NMRK2: variants seen among roughly 807,000 people sequenced by gnomAD.
NMRK2 encodes NRK 2.
Under a neutral mutation model 24.7 loss-of-function variants are expected in NMRK2, and 34 were observed. That is an observed-to-expected ratio of 1.37 (90% CI 1.05 to 1.83). NMRK2 has a LOEUF of 1.83. Ranked by LOEUF, NMRK2 falls within the 40% of genes most tolerant of loss-of-function variation. The pLI is 0.00. For synonymous variants in NMRK2, 145 were observed against 125.6 expected, an observed-to-expected ratio of 1.15 and a Z score of -1.03; for missense variants, 341 against 315.0, an observed-to-expected ratio of 1.08 and a Z score of -0.62.
chr19:3,933,589 G>A lies in NMRK2; in HGVS notation c.-83G>A, dbSNP rs1175767468. The A allele has an allele frequency of 1.3e-5, 19 of 1,467,680 alleles. No homozygotes were observed. In the East Asian group the frequency reaches 4.0e-4, roughly 31 times the overall value. The allele number at this position is 1,467,680 out of a possible 1,614,324, so 90.9% of individuals were successfully genotyped here. A position where few individuals can be genotyped will look rare whatever the true frequency, so the allele number is the denominator to read the frequency against. ...GGCGCCAGGTTTTCTCAATGAAGCC[G>A]GGACGCACTCCGGAGCGCACTGCGT... On this transcript the variant is annotated 5_prime_UTR_variant, in exon 2 of 8. Transcript: ENST00000168977.
At chr19:3,936,962 C>T (rs990982007) in intron 3 of NMRK2, among the ~76,000 whole-genome samples, 1 of 152,164 alleles carries the variant, frequency 6.6e-6, no homozygotes, top group Non-Finnish European at 1.5e-5. Context: ...CAGGGCCAGC[C>T]GGCTGTGGCT....
chr19:3,933,779 G>A (rs2039161154), intron 2 of NMRK2, 82 bp downstream of exon 2: 1 of 1,304,348 alleles, frequency 7.7e-7, no homozygotes, highest in Non-Finnish European at 9.9e-7. Context: ...GGAATGAATG[G>A]AGGGATGCCT....
chr19:3,937,805 A>G (rs368390083), intron 4 of NMRK2, among the ~76,000 whole-genome samples: 76 of 37,722 alleles, frequency 2.0e-3, no homozygotes, highest in Middle Eastern at 0.019. Context: ...CTCCTGCAAT[A>G]CCCGCTCCCC....
At chr19:3,938,806 G>C in intron 5 of NMRK2, 47 bp downstream of exon 5, 1 of 1,100,422 alleles carries the variant, frequency 9.1e-7, no homozygotes, top group Middle Eastern at 2.2e-4. Flanking sequence ...TCTCTGGGCG[G>C]GTATAGCCAT....
intron 4 of NMRK2, among the ~76,000 whole-genome samples, chr19:3,937,816 G>C (rs1354717633): frequency 1.4e-4 from 6 of 44,370 alleles, no homozygotes; most frequent in Admixed American, 2.6e-4. Context: ...CCCGCTCCCC[G>C]TCCACTGTCC....
intron 2 of NMRK2, among the ~76,000 whole-genome samples, chr19:3,934,664 C>T (rs886125291): frequency 6.6e-6 from 1 of 151,158 alleles, no homozygotes; most frequent in South Asian, 2.1e-4. Flanking sequence ...TCACTGCAAG[C>T]TCCGCCTCCC....
In NMRK2 at chr19:3,941,849, G is replaced by T. The variant is rs545154900; in HGVS notation, c.503-234G>T. 1.1e-4 allele frequency among the ~76,000 whole-genome samples: 16 copies of T among 152,116 alleles called. No individual in the cohort carries two copies. The South Asian group carries it at 3.3e-3, about 32-fold the overall frequency. On this transcript the variant is annotated intron_variant, in intron 7 of 7. Transcript: ENST00000168977. Reference sequence around the variant, plus strand: ...GTAGAGATGGGGTTTCACCCTGTTGGCCAGGCTGGTTTCGAACTCCTGACC... The same window carrying T: ...GTAGAGATGGGGTTTCACCCTGTTGTCCAGGCTGGTTTCGAACTCCTGACC...
chr19:3,941,223 G>A, intron 7 of NMRK2, 46 bp downstream of exon 7: 1 of 1,027,462 alleles, frequency 9.7e-7, no homozygotes, highest in Non-Finnish European at 1.5e-6. Flanking sequence ...CGGGCGGGGG[G>A]GACCCTGGGC....
chr19:3,938,677 C>A lies in NMRK2; in HGVS notation c.241C>A (p.Arg81Ser), dbSNP rs1005088739. The A allele has an allele frequency of 1.2e-6, 2 of 1,612,818 alleles. No individual in the cohort carries two copies. Among genetic ancestry groups the A allele is most frequent in the East Asian group, 4.5e-5 (2 of 44,820 alleles). ...AWLSSPQKFA[R>S]AHGVSVQPEA... is the part of the protein sequence containing the mutation. ...GCTGAGCAGCCCGCAGAAGTTTGCC[C>A]GTGCCCACGGGGTCAGCGTCCAGCC... is the stretch of plus-strand genomic sequence containing the variant. Residue 81 changes from arginine (R) to serine (S), a missense_variant, in exon 5 of 8, where the codon CGT (arginine) becomes AGT (serine). Arg to Ser is a moderately radical substitution (Grantham distance 110). Transcript: ENST00000168977.
chr19:3,941,431 T>C (rs2039331755), intron 7 of NMRK2, among the ~76,000 whole-genome samples: 1 of 151,148 alleles, frequency 6.6e-6, no homozygotes. Flanking sequence ...TTGTGTATTA[T>C]TAATAGAGAC....
At chr19:3,941,277 TCTCA>T in intron 7 of NMRK2, 100 bp downstream of exon 7, 1 of 626,132 alleles carries the variant, frequency 1.6e-6, no homozygotes, top group East Asian at 2.9e-5. Flanking sequence ...CAAGACAGAG[TCTCA>T]CTCTGTCACC....
intron 4 of NMRK2, 102 bp downstream of exon 4, chr19:3,937,390 A>C: frequency 1.9e-6 from 1 of 517,144 alleles, no homozygotes; most frequent in Non-Finnish European, 3.4e-6. Flanking sequence ...GCCCTCCTGC[A>C]ATGCCCGCTC....
intron 2 of NMRK2, among the ~76,000 whole-genome samples, chr19:3,936,212 G>GAA (rs746884107): frequency 2.3e-5 from 3 of 131,338 alleles, no homozygotes; most frequent in African/African-American, 8.2e-5. Context: ...CTCCGTCTCG[G>GAA]AAAAAAAAAA....
At chr19:3,936,744 A>G in intron 3 of NMRK2, 79 bp downstream of exon 3, 2 of 1,217,878 alleles carry the variant, frequency 1.6e-6, no homozygotes, top group Middle Eastern at 2.8e-4. Context: ...CCCGCCCTCC[A>G]CTGCCCAGTG....
chr19:3,939,248 G>C (rs925820959), intron 5 of NMRK2, among the ~76,000 whole-genome samples: 15 of 151,928 alleles, frequency 9.9e-5, no homozygotes, highest in African/African-American at 3.4e-4. Context: ...CTGGAGCCAG[G>C]CGTGGTGGCT....
At chr19:3,933,412 C>T in intron 1 of NMRK2, 46 bp from the exon 2 acceptor site, 1 of 495,928 alleles carries the variant, frequency 2.0e-6, no homozygotes, top group Non-Finnish European at 3.6e-6. Flanking sequence ...AGGGAAGAGG[C>T]AGCCCCCTGC....
At position 3,938,244 on chromosome 19, in the gene NMRK2, C is replaced by T. The variant is rs537885275; in HGVS notation, c.167-359C>T. Among the ~76,000 whole-genome samples, 6 of 125,790 alleles carry T rather than the reference C, an allele frequency of 4.8e-5. No individual in the cohort carries two copies. In the South Asian group the frequency reaches 1.2e-3, roughly 24 times the overall value. The allele number at this position is 125,790 out of a possible 152,430, so 82.5% of individuals were successfully genotyped here. ...ACCTGCTCCCCGTCCACTGTCCCCC[C>T]GGGGTCCACCCTCCTGCAATACCCG... On this transcript the variant is annotated intron_variant, in intron 4 of 7. Transcript: ENST00000168977.
At chr19:3,933,413 A>G in intron 1 of NMRK2, 45 bp from the exon 2 acceptor site, 1 of 495,148 alleles carries the variant, frequency 2.0e-6, no homozygotes. Flanking sequence ...GGGAAGAGGC[A>G]GCCCCCTGCC....
intron 7 of NMRK2, 146 bp from the exon 8 acceptor site, chr19:3,941,937 G>A (rs551747052): frequency 4.5e-5 from 29 of 638,642 alleles, no homozygotes; most frequent in African/African-American, 3.1e-4. Context: ...CACCGCGCCC[G>A]GCCCCCTCTT....
Sources: allele counts gnomAD v4.1 joint callset (sites outside exome capture counted in the v4.1 genomes callset), GRCh38; gene constraint gnomAD v4.1.1; transcripts MANE v1.5; gene names NCBI Gene and HGNC (gene_info 2026-07-23, HGNC 2026-07-21).